The following CFAP57 variants were observed in gnomAD, a reference collection of about 807,000 sequenced individuals.
CFAP57 encodes cilia and flagella associated protein 57.
Under a neutral mutation model 146.8 loss-of-function variants are expected in CFAP57, and 116 were observed. The observed-to-expected ratio is 0.79, with a 90% CI of 0.68 to 0.92. CFAP57 has a LOEUF of 0.92. Among genes scored for constraint, CFAP57 ranks in the 40% least tolerant of loss-of-function variants. The pLI, the probability that CFAP57 is intolerant of heterozygous loss-of-function variation, is 0.00. For synonymous variants in CFAP57, 518 were observed against 552.8 expected, an observed-to-expected ratio of 0.94 and a Z score of 0.88; for missense variants, 1,377 against 1,527.2, an observed-to-expected ratio of 0.90 and a Z score of 1.64.
intron 9 of CFAP57, chr1:43,206,221 A>C (rs1431081890): frequency 6.4e-6 from 1 of 156,016 alleles, no homozygotes; most frequent in Non-Finnish European, 1.4e-5. Context: ...TCAGCCTCCC[A>C]AAGTGTTGGG....
rs747801766 is a variant in CFAP57, at chr1:43,222,163, C to G, written c.2400C>G (p.Leu800=). Reference sequence around the variant, plus strand: ...ATGAGAAGTACCAGGAGCTGCAGCTCAAGTCCCAGAGGATGCAGGAAGAGT... The same window carrying G: ...ATGAGAAGTACCAGGAGCTGCAGCTGAAGTCCCAGAGGATGCAGGAAGAGT... ...LEYEKYQELQ[L]KSQRMQEEYE... is the part of the protein sequence containing the mutation. Residue 800 remains leucine (L), a synonymous_variant, in exon 15 of 23, where the codon CTC becomes CTG. Transcript: ENST00000372492. 1 of 1,548,120 alleles carries G rather than the reference C, an allele frequency of 6.5e-7. No individual in the cohort carries two copies. Among genetic ancestry groups the G allele is most frequent in the African/African-American group, 1.4e-5 (1 of 72,960 alleles).
chr1:43,185,865 C>T (rs1474748476), intron 5 of CFAP57, among the ~76,000 whole-genome samples: 2 of 151,692 alleles, frequency 1.3e-5, no homozygotes, highest in Non-Finnish European at 2.9e-5. Context: ...TTGCAGTGAG[C>T]CAAGATCGCT....
intron 12 of CFAP57, among the ~76,000 whole-genome samples, chr1:43,217,183 A>T (rs1173194048): frequency 6.6e-6 from 1 of 152,224 alleles, no homozygotes; most frequent in Non-Finnish European, 1.5e-5. Flanking sequence ...AGGGCTGAAG[A>T]TGAAGCTGGA....
chr1:43,217,941 C>T (rs17391130), intron 12 of CFAP57, among the ~76,000 whole-genome samples: 30,557 of 152,172 alleles, frequency 0.2, 3,389 homozygotes, highest in Middle Eastern at 0.3. Context: ...TACATCCAAC[C>T]TGTGCCATAT....
chr1:43,181,642 T>C lies in CFAP57; in HGVS notation c.266T>C (p.Leu89Ser). 1 of 1,614,236 alleles carries C rather than the reference T, an allele frequency of 6.2e-7. No individual in the cohort carries two copies. Among genetic ancestry groups the C allele is most frequent in the Non-Finnish European group, 8.5e-7 (1 of 1,180,046 alleles). ...QEKPAITIYE[L>S]SSIPCRKRKV... ...AAACCTGCCATCACCATTTATGAAT[T>C]GTCATCCATCCCTTGCCGGAAGCGC... Residue 89 changes from leucine to serine, a missense_variant, in exon 3 of 23, where the codon TTG becomes TCG. Leu to Ser is a moderately radical substitution (Grantham distance 145). Coordinates refer to ENST00000372492, the MANE Select transcript of CFAP57 (RefSeq NM_001378189.1).
At chr1:43,219,619 C>A in intron 13 of CFAP57, 82 bp downstream of exon 13, 1 of 1,459,690 alleles carries the variant, frequency 6.9e-7, no homozygotes, top group Non-Finnish European at 9.4e-7. Context: ...ACTGCCCAAG[C>A]TATGCTCAAA....
At position 43,201,066 on chromosome 1, in the gene CFAP57, G is replaced by A. The variant is rs1158497977; in HGVS notation, c.1542+1563G>A. Reference sequence around the variant, plus strand: ...CCATTTTGGCCATGTGATATTTGACGTGCCCAGAAGTGTGATGTATGTGTG... The same window carrying A: ...CCATTTTGGCCATGTGATATTTGACATGCCCAGAAGTGTGATGTATGTGTG... On this transcript the variant is annotated intron_variant, in intron 9 of 22. Transcript: ENST00000372492. This position sits in a 1 kb window ranked among gnomAD's most constrained non-coding sequence, Gnocchi z 4.4. Among the ~76,000 whole-genome samples the A allele has an allele frequency of 6.6e-5, 10 of 152,122 alleles. No individual in the cohort carries two copies. Among genetic ancestry groups the A allele is most frequent in the Admixed American group, 2.0e-4 (3 of 15,256 alleles).
intron 22 of CFAP57, among the ~76,000 whole-genome samples, chr1:43,247,853 C>T (rs182593635): frequency 1.5e-4 from 23 of 152,240 alleles, no homozygotes; most frequent in Middle Eastern, 3.4e-3. Context: ...TGGCCAGGTG[C>T]GGTGGCTCAT....
chr1:43,174,739 C>G (rs1291806929), intron 2 of CFAP57, among the ~76,000 whole-genome samples: 1 of 152,154 alleles, frequency 6.6e-6, no homozygotes, highest in African/African-American at 2.4e-5. Context: ...TTGCTTGAAC[C>G]CGGGAGGCAG....
rs1314066112 is a variant in CFAP57 at position 43,229,221 on chromosome 1, C to T, written c.3009+2095C>T. Among the ~76,000 whole-genome samples, 7 of 149,020 alleles carry T rather than the reference C, an allele frequency of 4.7e-5. 2 individuals carry two copies. Among genetic ancestry groups the T allele is most frequent in the African/African-American group, 1.0e-4 (4 of 39,944 alleles). ...TGTCAGCTGCATTTCAGGTCGGGTC[C>T]GTTGTTTGCTAATGGTCAGCTTACT... On this transcript the variant is annotated intron_variant, in intron 18 of 22. Transcript: ENST00000372492.
chr1:43,222,500 C>G (rs1168796415), intron 15 of CFAP57, among the ~76,000 whole-genome samples: 1 of 152,108 alleles, frequency 6.6e-6, no homozygotes, highest in African/African-American at 2.4e-5. Flanking sequence ...GTCACAAGTT[C>G]TGTGAGAGAA....
intron 21 of CFAP57, among the ~76,000 whole-genome samples, chr1:43,237,695 GAA>G (rs1645756000): frequency 6.6e-6 from 1 of 152,160 alleles, no homozygotes. Context: ...AAAAAGCAGA[GAA>G]GAGTGAGGCC....
chr1:43,199,803 G>C (rs1644037103), intron 9 of CFAP57, among the ~76,000 whole-genome samples: 1 of 152,084 alleles, frequency 6.6e-6, no homozygotes, highest in South Asian at 2.1e-4. Context: ...AGACACAACT[G>C]GTGGGGATAA....
chr1:43,241,777 C>A (rs1181040527), intron 21 of CFAP57, among the ~76,000 whole-genome samples: 1 of 152,130 alleles, frequency 6.6e-6, no homozygotes, highest in Non-Finnish European at 1.5e-5. Flanking sequence ...GGGCATCTAA[C>A]AAGGTGGTCA....
chr1:43,206,101 C>T (rs143029994), intron 9 of CFAP57, among the ~76,000 whole-genome samples: 52 of 152,236 alleles, frequency 3.4e-4, no homozygotes, highest in African/African-American at 1.2e-3. Context: ...CTTCCTGCCT[C>T]AGGCACATGC....
chr1:43,175,492 T>TTTTTATTTTA (rs375677824), intron 2 of CFAP57, among the ~76,000 whole-genome samples: 9 of 150,744 alleles, frequency 6.0e-5, no homozygotes, highest in Non-Finnish European at 1.2e-4. Flanking sequence ...TCCTTCCAGT[T>TTTTTATTTTA]TTTTATTTTA....
chr1:43,199,407 A>G lies in CFAP57; in HGVS notation c.1446A>G (p.Gly482=), dbSNP rs1333004553. 1 of 1,613,960 alleles carries G rather than the reference A, an allele frequency of 6.2e-7. No homozygotes were observed. The change falls in exon 9 of 23, where the codon GGA becomes GGG. Residue 482 remains glycine, a synonymous_variant. Coordinates refer to ENST00000372492, the MANE Select transcript of CFAP57 (RefSeq NM_001378189.1). ...RGCGECSFSN[G]GHLFAAVNGN... ...CCCTATAGTGTTCCTTTAGCAATGGAGGTCACCTGTTTGCTGCAGTCAATG... is the reference window on the plus strand; with the variant it reads ...CCCTATAGTGTTCCTTTAGCAATGGGGGTCACCTGTTTGCTGCAGTCAATG...
At chr1:43,235,420 C>T (rs1274701591) in intron 21 of CFAP57, among the ~76,000 whole-genome samples, 9 of 152,272 alleles carry the variant, frequency 5.9e-5, no homozygotes, top group African/African-American at 2.2e-4. Context: ...TTATAAAGCA[C>T]GTACCTTTTT....
At chr1:43,175,539 C>T (rs1301012268) in intron 2 of CFAP57, among the ~76,000 whole-genome samples, 2 of 151,944 alleles carry the variant, frequency 1.3e-5, no homozygotes, top group East Asian at 3.9e-4. Flanking sequence ...GAAACCAGGT[C>T]TCACTCTGTT....
Sources: allele counts gnomAD v4.1 joint callset (sites outside exome capture counted in the v4.1 genomes callset), GRCh38; gene constraint gnomAD v4.1.1; non-coding constraint Gnocchi (gnomAD v3.1); transcripts MANE v1.5; gene names NCBI Gene and HGNC (gene_info 2026-07-23, HGNC 2026-07-21).